ZNF804B: variants seen among roughly 807,000 people sequenced by gnomAD.
ZNF804B encodes the protein zinc finger protein 804B.
Under a neutral mutation model 101.4 loss-of-function variants are expected in ZNF804B, and 80 were observed. That is an observed-to-expected ratio of 0.79 (90% CI 0.66 to 0.95). ZNF804B has a LOEUF of 0.95. ZNF804B is among the 40% of genes least tolerant of loss of function. The pLI, the probability that ZNF804B is intolerant of heterozygous loss-of-function variation, is 0.00. For missense variants in ZNF804B, 1,673 were observed against 1,561.9 expected (o/e 1.07, Z -1.20); for synonymous variants, 622 against 558.8 (o/e 1.11, Z -1.59).
intron 1 of ZNF804B, among the ~76,000 whole-genome samples, chr7:88,909,302 T>C (rs980161033): frequency 4.6e-5 from 7 of 151,844 alleles, no homozygotes; most frequent in African/African-American, 9.7e-5. Context: ...AGGTGAAGAA[T>C]ACTGTTTCTA....
At chr7:89,155,183 T>C (rs1270306442) in intron 1 of ZNF804B, among the ~76,000 whole-genome samples, 2 of 152,242 alleles carry the variant, frequency 1.3e-5, no homozygotes, top group Non-Finnish European at 2.9e-5. Context: ...TTGGGGTTTA[T>C]AACTGTTAAT....
chr7:89,000,833 A>G lies in ZNF804B; in HGVS notation c.109-217322A>G, dbSNP rs192600871. 2.1e-3 allele frequency among the ~76,000 whole-genome samples: 316 copies of G among 150,660 alleles called. 4 individuals are homozygous for G. The highest frequency in any genetic ancestry group is 7.3e-3 in the African/African-American group (303 of 41,228). On this transcript the variant is annotated intron_variant, in intron 1 of 3. Transcript: ENST00000333190. ...ATTTCTTTCTTTTTTATGGCATCATATATATGACATTTATATATATAGAGA... is the reference window on the plus strand; with the variant it reads ...ATTTCTTTCTTTTTTATGGCATCATGTATATGACATTTATATATATAGAGA...
At chr7:89,007,280 A>T (rs1304318906) in intron 1 of ZNF804B, among the ~76,000 whole-genome samples, 3 of 151,404 alleles carry the variant, frequency 2.0e-5, no homozygotes, top group Non-Finnish European at 4.4e-5. Context: ...CATAAGAGGC[A>T]TTTTACAAAA....
At chr7:89,014,732 T>A (rs1788516955) in intron 1 of ZNF804B, among the ~76,000 whole-genome samples, 1 of 152,236 alleles carries the variant, frequency 6.6e-6, no homozygotes, top group Non-Finnish European at 1.5e-5. Flanking sequence ...ATGTTTGATA[T>A]CCTTGTATAT....
At chr7:89,142,265 T>G (rs1790728868) in intron 1 of ZNF804B, among the ~76,000 whole-genome samples, 1 of 151,728 alleles carries the variant, frequency 6.6e-6, no homozygotes, top group Admixed American at 6.6e-5. Context: ...GTTTCTTTTT[T>G]GTTTGTTTGT....
At position 89,263,590 on chromosome 7, in the gene ZNF804B, CTT is replaced by C. The variant is rs11333304; in HGVS notation, c.249+45306_249+45307del. Among the ~76,000 whole-genome samples, 52 of 146,556 alleles carry C rather than the reference CTT, an allele frequency of 3.5e-4. 1 individual carries two copies. Among genetic ancestry groups the C allele is most frequent in the African/African-American group, 9.4e-4 (38 of 40,244 alleles). ...AACCACACGAACCTGTGAATGTGAC[CTT>C]TTTTTTTTTTAAGGTGACTTATGCA... On this transcript the variant is annotated intron_variant, in intron 2 of 3. Coordinates refer to ENST00000333190, the MANE Select transcript of ZNF804B (RefSeq NM_181646.5).
In ZNF804B at chr7:88,859,761, GTTA is replaced by G. The variant is rs1463247388; in HGVS notation, c.108+99680_108+99682del. 2.0e-5 allele frequency among the ~76,000 whole-genome samples: 3 copies of G among 151,860 alleles called. No homozygotes were observed. The East Asian group carries it at 5.8e-4, about 29-fold the overall frequency. ...ATGTGCATGCATATGGAAATATAGTGTTATTTAGATATAAACTAATATCTATTG... is the reference window on the plus strand; with the variant it reads ...ATGTGCATGCATATGGAAATATAGTGTTTAGATATAAACTAATATCTATTG... On this transcript the variant is annotated intron_variant, in intron 1 of 3. Transcript: ENST00000333190.
At chr7:88,871,973 A>C (rs776207522) in intron 1 of ZNF804B, among the ~76,000 whole-genome samples, 2 of 151,802 alleles carry the variant, frequency 1.3e-5, no homozygotes, top group Non-Finnish European at 2.9e-5. Context: ...TGTCTCAAAA[A>C]AAAAGTGAAA....
chr7:89,152,601 T>C (rs1214012555), intron 1 of ZNF804B, among the ~76,000 whole-genome samples: 1 of 152,116 alleles, frequency 6.6e-6, no homozygotes, highest in South Asian at 2.1e-4. Flanking sequence ...TGATTCAAAA[T>C]TTTATTTAGT....
At chr7:89,295,744 A>G (rs1231222800) in intron 2 of ZNF804B, among the ~76,000 whole-genome samples, 2 of 152,168 alleles carry the variant, frequency 1.3e-5, no homozygotes, top group African/African-American at 4.8e-5. Context: ...TTTAATGTGA[A>G]GTCAATCTAA....
At chr7:89,283,302 AAAG>A (rs1276871942) in intron 2 of ZNF804B, among the ~76,000 whole-genome samples, 1 of 152,238 alleles carries the variant, frequency 6.6e-6, no homozygotes, top group Non-Finnish European at 1.5e-5. Flanking sequence ...AGCATTAAAA[AAAG>A]AGATGAAAGT....
At chr7:89,016,646 G>A (rs953875271) in intron 1 of ZNF804B, among the ~76,000 whole-genome samples, 17 of 151,476 alleles carry the variant, frequency 1.1e-4, no homozygotes, top group Admixed American at 9.9e-4. Context: ...TCAGATAGTT[G>A]TAGATATGTG....
intron 1 of ZNF804B, among the ~76,000 whole-genome samples, chr7:89,014,994 A>C (rs1209750965): frequency 2.0e-5 from 3 of 152,172 alleles, no homozygotes; most frequent in Non-Finnish European, 4.4e-5. Context: ...ATTTACATTT[A>C]GATCTTTAAC....
At chr7:89,327,302 T>G (rs1475087929) in intron 2 of ZNF804B, 42 bp from the exon 3 acceptor site, 5 of 1,533,364 alleles carry the variant, frequency 3.3e-6, no homozygotes, top group African/African-American at 1.4e-5. Flanking sequence ...AAGAATATAT[T>G]ATTTATTTAT....
chr7:89,130,622 A>G (rs888010347), intron 1 of ZNF804B, among the ~76,000 whole-genome samples: 1 of 152,006 alleles, frequency 6.6e-6, no homozygotes, highest in Non-Finnish European at 1.5e-5. Flanking sequence ...GAGAGAAGAC[A>G]CATCTCCAAA....
At chr7:89,057,882 G>A (rs1231322572) in intron 1 of ZNF804B, among the ~76,000 whole-genome samples, 1 of 152,084 alleles carries the variant, frequency 6.6e-6, no homozygotes, top group East Asian at 1.9e-4. Context: ...CAAACATTAT[G>A]AAATGCAGGG....
At chr7:89,280,353 A>G (rs1205739554) in intron 2 of ZNF804B, among the ~76,000 whole-genome samples, 1 of 151,936 alleles carries the variant, frequency 6.6e-6, no homozygotes, top group Non-Finnish European at 1.5e-5. Context: ...AAAGAACTAG[A>G]AAAGCAAGAG....
intron 1 of ZNF804B, among the ~76,000 whole-genome samples, chr7:88,883,011 T>A (rs1259412841): frequency 6.6e-6 from 1 of 151,882 alleles, no homozygotes; most frequent in Non-Finnish European, 1.5e-5. Flanking sequence ...AAAATGAAAA[T>A]TGAAATTAAA....
At chr7:88,833,479 A>G (rs1056357064) in intron 1 of ZNF804B, among the ~76,000 whole-genome samples, 2 of 151,946 alleles carry the variant, frequency 1.3e-5, no homozygotes, top group Admixed American at 6.6e-5. Context: ...GGGAGTTACA[A>G]TATTAAGATG....
Sources: gnomAD v4.1 joint callset for allele counts (sites outside exome capture counted in the v4.1 genomes callset) on GRCh38, gnomAD v4.1.1 for gene constraint, MANE v1.5 for transcripts, NCBI Gene and HGNC (gene_info 2026-07-23, HGNC 2026-07-21) for gene names.